Variants in HLCS observed in about 807,000 individuals in gnomAD.
The protein encoded by HLCS is holocarboxylase synthetase.
HLCS carries 53 observed loss-of-function variants against 75.0 expected under a neutral mutation model. The observed-to-expected ratio is 0.71, with a 90% CI of 0.57 to 0.89. HLCS has a LOEUF of 0.89. Among genes scored for constraint, HLCS ranks in the 40% least tolerant of loss-of-function variants. The probability of loss-of-function intolerance (pLI) is 0.00; values close to 1 mark genes in which losing one functional copy is unlikely to be tolerated. For synonymous variants in HLCS, 431 were observed against 428.6 expected (o/e 1.01, Z -0.07); for missense variants, 966 against 1,074.0 (o/e 0.90, Z 1.41).
At chr21:36,822,035 C>T (rs892728268) in intron 6 of HLCS, among the ~76,000 whole-genome samples, 15 of 152,146 alleles carry the variant, frequency 9.9e-5, no homozygotes, top group South Asian at 2.1e-4. Flanking sequence ...TCCTCACCCT[C>T]CCACAGCTGC....
At chr21:36,918,047 T>C (rs1331931351) in intron 5 of HLCS, among the ~76,000 whole-genome samples, 1 of 152,044 alleles carries the variant, frequency 6.6e-6, no homozygotes, top group Non-Finnish European at 1.5e-5. Context: ...AGATAATACA[T>C]ACTCAGTTTG....
intron 6 of HLCS, among the ~76,000 whole-genome samples, chr21:36,823,639 G>C (rs1382295935): frequency 3.9e-5 from 6 of 151,914 alleles, no homozygotes; most frequent in African/African-American, 1.5e-4. Context: ...GTGTGTGTGT[G>C]TGTGTGTGTA....
chr21:36,958,334 A>G (rs914611569), intron 2 of HLCS, among the ~76,000 whole-genome samples: 2 of 152,184 alleles, frequency 1.3e-5, no homozygotes, highest in Admixed American at 6.5e-5. Flanking sequence ...TCTACCAAAC[A>G]TAAGAGACAC....
intron 5 of HLCS, among the ~76,000 whole-genome samples, chr21:36,900,628 T>C (rs2065199662): frequency 6.6e-6 from 1 of 152,044 alleles, no homozygotes; most frequent in Admixed American, 6.6e-5. Context: ...CTGACTCCTG[T>C]GTTGAGAAGA....
At chr21:36,943,189 C>A (rs1601826101) in intron 2 of HLCS, 1 of 152,056 alleles carries the variant, frequency 6.6e-6, no homozygotes, top group East Asian at 1.9e-4. Flanking sequence ...CATAGAGTTA[C>A]CATATGATCT....
intron 6 of HLCS, among the ~76,000 whole-genome samples, chr21:36,768,084 G>C (rs770124593): frequency 6.6e-6 from 1 of 152,258 alleles, no homozygotes; most frequent in Non-Finnish European, 1.5e-5. Flanking sequence ...TGGTAGGACA[G>C]TTCCTCTCTA....
intron 1 of HLCS, among the ~76,000 whole-genome samples, chr21:36,965,749 TAAG>T (rs2068535618): frequency 6.8e-6 from 1 of 147,822 alleles, no homozygotes; most frequent in African/African-American, 2.5e-5. Flanking sequence ...TTTTTTTTCT[TAAG>T]ACAGGGTCTT....
intron 6 of HLCS, among the ~76,000 whole-genome samples, chr21:36,866,052 T>C (rs977574596): frequency 5.6e-4 from 86 of 152,380 alleles, no homozygotes; most frequent in African/African-American, 2.0e-3. Flanking sequence ...TTCAGAAAGG[T>C]AAAGAGCTTC....
intron 5 of HLCS, among the ~76,000 whole-genome samples, chr21:36,913,282 C>T (rs2065798378): frequency 6.6e-6 from 1 of 152,210 alleles, no homozygotes; most frequent in Non-Finnish European, 1.5e-5. Context: ...ACCTACCTAA[C>T]CCAAAATGCA....
At chr21:36,984,362 T>C (rs1208657068) in intron 1 of HLCS, among the ~76,000 whole-genome samples, 2 of 152,058 alleles carry the variant, frequency 1.3e-5, no homozygotes, top group Non-Finnish European at 2.9e-5. Flanking sequence ...AGGGTAATAA[T>C]AAACTAATAA....
rs558619481 is a variant in HLCS, at chr21:36,858,090, G to A, written c.1892+38770C>T. Among the ~76,000 whole-genome samples, 6 of 152,004 alleles carry A rather than the reference G, an allele frequency of 3.9e-5. 1 individual carries two copies. In the South Asian group the frequency reaches 1.3e-3, roughly 32 times the overall value. ...GGTGTGAGCCACTGCGCCTGGCCAGGATCTTGTTTATTTTTTATTATATTT... is the reference window on the plus strand; with the variant it reads ...GGTGTGAGCCACTGCGCCTGGCCAGAATCTTGTTTATTTTTTATTATATTT... On this transcript the variant is annotated intron_variant, in intron 6 of 10. Coordinates refer to ENST00000674895, the MANE Select transcript of HLCS (RefSeq NM_001352514.2).
At chr21:36,786,405 C>T (rs1432534953) in intron 6 of HLCS, among the ~76,000 whole-genome samples, 1 of 151,898 alleles carries the variant, frequency 6.6e-6, no homozygotes, top group Non-Finnish European at 1.5e-5. Flanking sequence ...AAATCTGAAA[C>T]CCAGGTTCAG....
At chr21:36,858,055 T>G (rs1302443151) in intron 6 of HLCS, among the ~76,000 whole-genome samples, 1 of 152,206 alleles carries the variant, frequency 6.6e-6, no homozygotes, top group African/African-American at 2.4e-5. Flanking sequence ...CCCAAAGTGC[T>G]GGGATTACAG....
intron 6 of HLCS, among the ~76,000 whole-genome samples, chr21:36,894,846 G>GT (rs11418922): frequency 0.46 from 67,197 of 147,240 alleles, 16,631 homozygotes; most frequent in African/African-American, 0.68. Context: ...TAAGGCAGAG[G>GT]TTTTTTTTTT....
intron 2 of HLCS, among the ~76,000 whole-genome samples, chr21:36,961,001 G>A (rs1440702649): frequency 2.0e-5 from 3 of 152,256 alleles, no homozygotes; most frequent in African/African-American, 7.2e-5. Context: ...AGGATGGAAT[G>A]AGGAGCAGTG....
Position 36,962,137 on chromosome 21 carries a change from G to C in HLCS, c.229C>G (p.Leu77Val). 7.8e-7 allele frequency: 1 copy of C among 1,288,906 alleles called. No individual in the cohort carries two copies. Among genetic ancestry groups the C allele is most frequent in the South Asian group, 1.2e-5 (1 of 81,004 alleles). 79.8% of individuals were successfully genotyped at this position (1,288,906 alleles called of 1,614,324 possible). A position where few individuals can be genotyped will look rare whatever the true frequency, so the allele number is the denominator to read the frequency against. Residue 77 changes from leucine to valine, a missense_variant, in exon 2 of 11, where the codon CTT (leucine) becomes GTT (valine). Leu to Val is a conservative substitution (Grantham distance 32). Coordinates refer to ENST00000674895, the MANE Select transcript of HLCS (RefSeq NM_001352514.2). Reference sequence around the variant, plus strand: ...GCTTCAAGTATAAAAGGAGACACAAGAAATAGGGCCCACTTGTTCAAGTCT... The same window carrying C: ...GCTTCAAGTATAAAAGGAGACACAACAAATAGGGCCCACTTGTTCAAGTCT... The part of the protein sequence containing the change: ...IEDLNKWALF[L>V]VSPFILEAEH...
rs578149221 is a variant in HLCS, at chr21:36,761,383, A to C, written c.2122-1542T>G. Among the ~76,000 whole-genome samples the C allele has an allele frequency of 2.0e-5, 3 of 152,300 alleles. No individual in the cohort carries two copies. The South Asian group carries it at 6.2e-4, about 32-fold the overall frequency. ...GCATATTGGAAGCTCATCTGCCCTA[A>C]AACAGTAGTTTAGGCTGAGAGAAAA... On this transcript the variant is annotated intron_variant, in intron 8 of 10. Transcript: ENST00000674895.
At chr21:36,821,170 G>A (rs975920141) in intron 6 of HLCS, among the ~76,000 whole-genome samples, 9 of 152,112 alleles carry the variant, frequency 5.9e-5, no homozygotes, top group African/African-American at 2.2e-4. Context: ...CTTGGGTGAC[G>A]GCGAATTTCT....
Position 36,934,269 on chromosome 21 carries a change from G to A in HLCS, c.1437+2180C>T, listed in dbSNP as rs112654188. Among the ~76,000 whole-genome samples, 355 of 152,280 alleles carry A rather than the reference G, an allele frequency of 2.3e-3. 3 individuals carry two copies. The highest frequency in any genetic ancestry group is 8.1e-3 in the African/African-American group (335 of 41,542). On this transcript the variant is annotated intron_variant, in intron 4 of 10. Transcript: ENST00000674895. ...AAAAAATGTCTCCAGCCACAAATGC[G>A]TGGAGAGGGTGATACTGGCATCCAG...
Sources: gnomAD v4.1 joint callset for allele counts (sites outside exome capture counted in the v4.1 genomes callset) on GRCh38, gnomAD v4.1.1 for gene constraint, MANE v1.5 for transcripts, NCBI Gene and HGNC (gene_info 2026-07-23, HGNC 2026-07-21) for gene names.